Variants in SPATA17 observed in about 807,000 individuals in gnomAD.
The protein encoded by SPATA17 is spermatogenesis associated 17, also known as spermatogenesis-associated protein 17.
A neutral mutation model predicts 62.2 loss-of-function variants in SPATA17; 53 were observed. The observed-to-expected ratio is 0.85, with a 90% CI of 0.68 to 1.07. The LOEUF is 1.07. Ranked by LOEUF, SPATA17 falls within the 50% of genes least tolerant of loss-of-function variation. The pLI is 0.00. For missense variants in SPATA17, 466 were observed against 425.5 expected (o/e 1.10, Z -0.84); for synonymous variants, 146 against 146.8 (o/e 0.99, Z 0.04).
At chr1:217,794,070 C>T (rs1191112693) in intron 8 of SPATA17, among the ~76,000 whole-genome samples, 1 of 148,600 alleles carries the variant, frequency 6.7e-6, no homozygotes, top group Admixed American at 6.7e-5. Flanking sequence ...GAGCCAAGAT[C>T]GCGCCACTGC....
At chr1:217,786,772 TTC>T (rs1673879742) in intron 8 of SPATA17, among the ~76,000 whole-genome samples, 1 of 134,062 alleles carries the variant, frequency 7.5e-6, no homozygotes, top group African/African-American at 3.2e-5. Flanking sequence ...CTTCTTCTTC[TTC>T]TTCTTCTTCT....
intron 7 of SPATA17, among the ~76,000 whole-genome samples, chr1:217,779,276 C>CAT (rs1426221223): frequency 1.3e-5 from 2 of 150,822 alleles, no homozygotes; most frequent in African/African-American, 4.9e-5. Flanking sequence ...TGTATACTTA[C>CAT]ATATATATAC....
At chr1:217,856,201 C>A (rs1379227265) in intron 9 of SPATA17, among the ~76,000 whole-genome samples, 2 of 152,162 alleles carry the variant, frequency 1.3e-5, no homozygotes, top group Non-Finnish European at 2.9e-5. Flanking sequence ...GATTATTCAT[C>A]TACAGTTTTT....
In SPATA17 at chr1:217,683,272, G is replaced by T; in HGVS notation, c.306G>T (p.Trp102Cys). 6.2e-7 allele frequency: 1 copy of T among 1,603,016 alleles called. No homozygotes were observed. Among genetic ancestry groups the T allele is most frequent in the Non-Finnish European group, 8.5e-7 (1 of 1,174,784 alleles). Residue 102 changes from tryptophan (W) to cysteine (C), a missense_variant, in exon 5 of 11, where the codon TGG becomes TGT. Physicochemically the swap from Trp to Cys is radical, Grantham distance 215. Transcript: ENST00000366933. ...NAMAVRIQRR[W>C]RGYRVRKYLF... ...TACTTTAATAGATTCAGAGACGATG[G>T]CGAGGCTATAGGGTTCGGAAGTACC...
chr1:217,667,376 C>CT (rs1194445996), intron 3 of SPATA17, among the ~76,000 whole-genome samples: 1 of 152,090 alleles, frequency 6.6e-6, no homozygotes, highest in Non-Finnish European at 1.5e-5. Context: ...AAATTACATA[C>CT]TTTTAACTAC....
At chr1:217,714,762 G>A (rs547909019) in intron 5 of SPATA17, among the ~76,000 whole-genome samples, 99 of 152,102 alleles carry the variant, frequency 6.5e-4, no homozygotes, top group Non-Finnish European at 1.1e-3. Context: ...TGGGATTACA[G>A]GCGTGAGCCA....
intron 9 of SPATA17, among the ~76,000 whole-genome samples, chr1:217,851,590 C>A (rs1257256510): frequency 6.6e-6 from 1 of 152,022 alleles, no homozygotes; most frequent in East Asian, 1.9e-4. Context: ...AATTAAACTG[C>A]AATTAATATG....
At chr1:217,862,454 C>T (rs1675916609) in intron 9 of SPATA17, among the ~76,000 whole-genome samples, 1 of 152,122 alleles carries the variant, frequency 6.6e-6, no homozygotes, top group Admixed American at 6.5e-5. Flanking sequence ...GTACCAATCC[C>T]TATGAAGCCA....
intron 5 of SPATA17, among the ~76,000 whole-genome samples, chr1:217,734,269 C>A (rs1672459357): frequency 6.6e-6 from 1 of 152,156 alleles, no homozygotes; most frequent in Non-Finnish European, 1.5e-5. Context: ...TCAGAGCAGA[C>A]AATTGTTAGA....
intron 9 of SPATA17, among the ~76,000 whole-genome samples, chr1:217,816,847 A>T (rs1674728924): frequency 6.6e-6 from 1 of 152,214 alleles, no homozygotes; most frequent in South Asian, 2.1e-4. Flanking sequence ...TATTCCTGGC[A>T]TAAACTCTCT....
chr1:217,849,024 A>G (rs567996475), intron 9 of SPATA17, among the ~76,000 whole-genome samples: 2 of 152,214 alleles, frequency 1.3e-5, no homozygotes, highest in South Asian at 2.1e-4. Flanking sequence ...TGTTTAATGG[A>G]TGCAATATCC....
At chr1:217,765,448 T>C (rs1010078859) in intron 6 of SPATA17, among the ~76,000 whole-genome samples, 1 of 151,894 alleles carries the variant, frequency 6.6e-6, no homozygotes, top group African/African-American at 2.4e-5. Flanking sequence ...ATCTCACAAA[T>C]GTTGATAAGC....
intron 1 of SPATA17, among the ~76,000 whole-genome samples, chr1:217,646,273 T>A (rs898796782): frequency 2.0e-5 from 3 of 152,158 alleles, no homozygotes; most frequent in Admixed American, 2.0e-4. Flanking sequence ...GGTTTTTACT[T>A]ATGTAAATAA....
At chr1:217,818,882 C>CTTTTTTTTTTTTTTTTTGCT (rs34580904) in intron 9 of SPATA17, among the ~76,000 whole-genome samples, 1 of 125,404 alleles carries the variant, frequency 8.0e-6, no homozygotes. Context: ...TTTCATTTTC[C>CTTTTTTTTTTTTTTTTTGCT]TTTTTTTTTT....
intron 9 of SPATA17, among the ~76,000 whole-genome samples, chr1:217,830,714 C>T (rs1257299056): frequency 6.6e-6 from 1 of 152,020 alleles, no homozygotes; most frequent in African/African-American, 2.4e-5. Flanking sequence ...AGAATGCTGC[C>T]ATTTGTAACA....
intron 6 of SPATA17, among the ~76,000 whole-genome samples, chr1:217,743,386 T>G (rs1253842981): frequency 6.6e-6 from 1 of 152,114 alleles, no homozygotes; most frequent in Non-Finnish European, 1.5e-5. Context: ...ATTTTTAACT[T>G]TAGTTATTAG....
intron 5 of SPATA17, among the ~76,000 whole-genome samples, chr1:217,704,230 CTT>C (rs560591615): frequency 3.2e-3 from 135 of 41,676 alleles, no homozygotes; most frequent in African/African-American, 9.8e-3. Flanking sequence ...TTCCCTCTAC[CTT>C]TTTTTTTTTT....
At chr1:217,803,620 C>G (rs976873777) in intron 9 of SPATA17, among the ~76,000 whole-genome samples, 6 of 152,124 alleles carry the variant, frequency 3.9e-5, no homozygotes, top group Non-Finnish European at 1.5e-5. Flanking sequence ...TGTTCATGGA[C>G]TGGAAAAATT....
At chr1:217,740,544 A>C (rs1471846670) in intron 5 of SPATA17, among the ~76,000 whole-genome samples, 1 of 152,184 alleles carries the variant, frequency 6.6e-6, no homozygotes, top group Non-Finnish European at 1.5e-5. Context: ...GACACAGTTA[A>C]TGAGGTTTGT....
Sources: allele counts gnomAD v4.1 joint callset (sites outside exome capture counted in the v4.1 genomes callset), GRCh38; gene constraint gnomAD v4.1.1; transcripts MANE v1.5; gene names NCBI Gene and HGNC (gene_info 2026-07-23, HGNC 2026-07-21).